NCAM2: variants seen among roughly 807,000 people sequenced by gnomAD.
NCAM2 encodes neural cell adhesion molecule 2.
Under a neutral mutation model 98.1 loss-of-function variants are expected in NCAM2, and 30 were observed. That is an observed-to-expected ratio of 0.31 (90% CI 0.23 to 0.41). NCAM2 has a LOEUF of 0.41. Ranked by LOEUF, NCAM2 falls within the 10% of genes least tolerant of loss-of-function variation. NCAM2 has a pLI of 1.00. For synonymous variants in NCAM2, 368 were observed against 342.4 expected, an observed-to-expected ratio of 1.07 and a Z score of -0.83; for missense variants, 867 against 1,005.8, an observed-to-expected ratio of 0.86 and a Z score of 1.87.
chr21:21,521,703 G>A (rs943791371), intron 16 of NCAM2, among the ~76,000 whole-genome samples: 1 of 151,140 alleles, frequency 6.6e-6, no homozygotes, highest in African/African-American at 2.4e-5. Flanking sequence ...AAGGCAAAGA[G>A]GAAATAAGAA....
intron 8 of NCAM2, among the ~76,000 whole-genome samples, chr21:21,348,966 C>A (rs1370377924): frequency 6.6e-6 from 1 of 152,088 alleles, no homozygotes; most frequent in Non-Finnish European, 1.5e-5. Flanking sequence ...AATCTAAGAC[C>A]TCAACTTATG....
intron 1 of NCAM2, among the ~76,000 whole-genome samples, chr21:21,143,797 T>TC (rs2067217152): frequency 8.0e-6 from 1 of 124,778 alleles, no homozygotes; most frequent in Non-Finnish European, 1.6e-5. Flanking sequence ...CATTTTTTTT[T>TC]TAGGAAGTTT....
intron 15 of NCAM2, among the ~76,000 whole-genome samples, chr21:21,494,270 G>A (rs1987056583): frequency 2.0e-5 from 3 of 151,838 alleles, no homozygotes; most frequent in South Asian, 4.1e-4. Flanking sequence ...TAATCATATA[G>A]AGATATGTTT....
Position 21,541,660 on chromosome 21 carries a change from A to T in NCAM2, c.*3703A>T, listed in dbSNP as rs375216219. ...ATCAACCTTTATTTTTGGCAATAAGATTATCACTGACGAAAATATGTACAG... is the reference window on the plus strand; with the variant it reads ...ATCAACCTTTATTTTTGGCAATAAGTTTATCACTGACGAAAATATGTACAG... On this transcript the variant is annotated 3_prime_UTR_variant, in exon 18 of 18. Coordinates refer to ENST00000400546, the MANE Select transcript of NCAM2 (RefSeq NM_004540.5). 2.0e-4 allele frequency: 30 copies of T among 151,832 alleles called. No individual in the cohort carries two copies. In the South Asian group the frequency reaches 5.4e-3, roughly 27 times the overall value. The allele number at this position is 151,832 out of a possible 1,614,324, so 9.4% of individuals were successfully genotyped here.
chr21:21,331,517 C>CTCTCTCTCTCTCTCTCTCTA (rs1483062198), intron 6 of NCAM2, among the ~76,000 whole-genome samples: 2 of 6,938 alleles, frequency 2.9e-4, no homozygotes, highest in East Asian at 4.5e-3. Context: ...CTCTCTCTCT[C>CTCTCTCTCTCTCTCTCTCTA]TATATATATA....
chr21:21,489,014 A>G (rs1442139272), intron 15 of NCAM2, among the ~76,000 whole-genome samples: 2 of 151,878 alleles, frequency 1.3e-5, no homozygotes, highest in African/African-American at 2.4e-5. Flanking sequence ...TTCTTGAGAC[A>G]GACTCTTGCT....
At chr21:21,218,982 G>T (rs899397150) in intron 1 of NCAM2, among the ~76,000 whole-genome samples, 3 of 152,196 alleles carry the variant, frequency 2.0e-5, no homozygotes, top group African/African-American at 7.2e-5. Context: ...GGCAGAGTTT[G>T]CAGTGAGCTG....
intron 1 of NCAM2, among the ~76,000 whole-genome samples, chr21:21,040,348 C>G (rs755609182): frequency 5.3e-5 from 8 of 152,146 alleles, no homozygotes; most frequent in African/African-American, 1.9e-4. Context: ...TACTCATTCT[C>G]TCTGACTGAA....
chr21:21,094,560 C>T (rs1208753344), intron 1 of NCAM2, among the ~76,000 whole-genome samples: 2 of 151,566 alleles, frequency 1.3e-5, no homozygotes, highest in African/African-American at 4.8e-5. Flanking sequence ...TTTAGAATTG[C>T]ATGTGTAATT....
chr21:21,006,532 G>A (rs974936353), intron 1 of NCAM2, among the ~76,000 whole-genome samples: 4 of 152,040 alleles, frequency 2.6e-5, no homozygotes, highest in African/African-American at 9.7e-5. Flanking sequence ...AAAAACATGT[G>A]TCGATCCATA....
At chr21:21,464,172 T>C (rs1209260256) in intron 12 of NCAM2, among the ~76,000 whole-genome samples, 1 of 152,136 alleles carries the variant, frequency 6.6e-6, no homozygotes, top group Non-Finnish European at 1.5e-5. Flanking sequence ...GACTACTGAA[T>C]GCTCTTAAAA....
chr21:21,359,577 T>C (rs1323412859), intron 8 of NCAM2, among the ~76,000 whole-genome samples: 4 of 151,980 alleles, frequency 2.6e-5, no homozygotes, highest in Non-Finnish European at 5.9e-5. Context: ...CTGTCGTCAG[T>C]TTTATAAGAT....
intron 1 of NCAM2, among the ~76,000 whole-genome samples, chr21:21,251,490 G>A (rs1031611840): frequency 6.6e-6 from 1 of 152,046 alleles, no homozygotes; most frequent in African/African-American, 2.4e-5. Context: ...TGATCTCATT[G>A]TTTTTTATGG....
intron 8 of NCAM2, among the ~76,000 whole-genome samples, chr21:21,340,113 CAT>C (rs939160895): frequency 1.3e-5 from 2 of 151,638 alleles, no homozygotes; most frequent in Non-Finnish European, 3.0e-5. Flanking sequence ...TATCTGAAAC[CAT>C]AGAGGATTGT....
At chr21:21,469,326 G>A (rs559902845) in intron 14 of NCAM2, among the ~76,000 whole-genome samples, 3 of 151,926 alleles carry the variant, frequency 2.0e-5, no homozygotes, top group African/African-American at 4.8e-5. Flanking sequence ...TTTTGATAGA[G>A]GTTAGAGGTA....
chr21:21,417,137 T>A (rs768475935), intron 10 of NCAM2, among the ~76,000 whole-genome samples: 1 of 152,122 alleles, frequency 6.6e-6, no homozygotes, highest in Non-Finnish European at 1.5e-5. Context: ...GTGGCTATCC[T>A]GTCTTGGCAT....
intron 1 of NCAM2, among the ~76,000 whole-genome samples, chr21:21,016,800 G>A (rs1213422663): frequency 2.6e-5 from 4 of 152,122 alleles, no homozygotes; most frequent in East Asian, 3.9e-4. Context: ...GTAATTTGCC[G>A]CAGGTCACGT....
At chr21:21,269,462 A>G (rs1160098744) in intron 1 of NCAM2, among the ~76,000 whole-genome samples, 1 of 152,116 alleles carries the variant, frequency 6.6e-6, no homozygotes, top group African/African-American at 2.4e-5. Flanking sequence ...AAATTGTTAG[A>G]TATTTCTTTG....
intron 10 of NCAM2, among the ~76,000 whole-genome samples, chr21:21,416,141 C>T (rs1476444915): frequency 6.6e-6 from 1 of 152,028 alleles, no homozygotes; most frequent in East Asian, 1.9e-4. Flanking sequence ...ACCTAGAGAC[C>T]ATTGTAGGAT....
Sources: gnomAD v4.1 joint callset for allele counts (sites outside exome capture counted in the v4.1 genomes callset) on GRCh38, gnomAD v4.1.1 for gene constraint, MANE v1.5 for transcripts, NCBI Gene and HGNC (gene_info 2026-07-23, HGNC 2026-07-21) for gene names.